Variants in SNX25 observed in about 807,000 individuals in gnomAD.
SNX25 encodes the protein sorting nexin 25.
SNX25 carries 62 observed loss-of-function variants against 113.7 expected under a neutral mutation model. The ratio of observed to expected loss-of-function variants is 0.55; its 90% CI spans 0.44 to 0.67. The LOEUF is 0.67. Ranked by LOEUF, SNX25 falls within the 30% of genes least tolerant of loss-of-function variation. The probability of loss-of-function intolerance (pLI) is 0.00; values close to 1 mark genes in which losing one functional copy is unlikely to be tolerated. For missense variants in SNX25, 1,014 were observed against 1,161.0 expected (o/e 0.87, Z 1.84); for synonymous variants, 421 against 436.2 (o/e 0.97, Z 0.43).
At chr4:185,240,655 C>A (rs1743719343) in intron 1 of SNX25, among the ~76,000 whole-genome samples, 1 of 149,186 alleles carries the variant, frequency 6.7e-6, no homozygotes, top group Non-Finnish European at 1.5e-5. Context: ...GGGGGCTAAC[C>A]CCCCCACCTC....
intron 5 of SNX25, among the ~76,000 whole-genome samples, chr4:185,283,376 GGGAAGTGATGGT>G (rs2126597469): frequency 6.6e-6 from 1 of 152,282 alleles, no homozygotes; most frequent in East Asian, 1.9e-4. Flanking sequence ...AGCAGATAAG[GGGAAGTGATGGT>G]GTGCAGGAAG....
At chr4:185,360,253 A>G (rs2095355651) in intron 16 of SNX25, among the ~76,000 whole-genome samples, 1 of 152,244 alleles carries the variant, frequency 6.6e-6, no homozygotes. Flanking sequence ...CTTATTTTAT[A>G]TGGTCTAGAT....
intron 1 of SNX25, among the ~76,000 whole-genome samples, chr4:185,243,346 A>G (rs1409413655): frequency 6.6e-6 from 1 of 152,180 alleles, no homozygotes; most frequent in Non-Finnish European, 1.5e-5. Flanking sequence ...ATGGTGACTC[A>G]TGCTTGTAAT....
At chr4:185,372,992 T>C, downstream of SNX25, 1 of 1,614,054 alleles carries the variant, frequency 6.2e-7, no homozygotes, top group Non-Finnish European at 8.5e-7. Flanking sequence ...TCCTGCCGGA[T>C]GCCTTGTCCA....
chr4:185,216,513 G>GTTTTT lies in SNX25; in HGVS notation c.429+6277_429+6281dup, dbSNP rs34410263. ...AGGAAATGACAAAAGTGTGTATTTGGTTTTTTTTTTTTTTTTTTTTTTTGA... is the reference window on the plus strand; with the variant it reads ...AGGAAATGACAAAAGTGTGTATTTGGTTTTTTTTTTTTTTTTTTTTTTTTTTTTGA... On this transcript the variant is annotated intron_variant, in intron 1 of 18. Coordinates refer to ENST00000652585, the MANE Select transcript of SNX25 (RefSeq NM_001378034.2). 1.3e-3 allele frequency among the ~76,000 whole-genome samples: 130 copies of GTTTTT among 96,710 alleles called. 4 individuals carry two copies. The South Asian group carries it at 0.032, about 24-fold the overall frequency. 63.4% of individuals were successfully genotyped at this position (96,710 alleles called of 152,430 possible).
chr4:185,310,483 G>A (rs528292954), intron 6 of SNX25, 152 bp from the exon 7 acceptor site: 51 of 511,812 alleles, frequency 1.0e-4, no homozygotes, highest in African/African-American at 9.3e-4. Context: ...TTGGGAGTAT[G>A]TATATGTATT....
chr4:185,369,523 C>T (rs2095407627), intron 11 of SNX25, among the ~76,000 whole-genome samples: 1 of 152,166 alleles, frequency 6.6e-6, no homozygotes, highest in Non-Finnish European at 1.5e-5. Flanking sequence ...GGATTACAGG[C>T]ATGAACCACT....
At chr4:185,369,735 A>G (rs756236652) in intron 11 of SNX25, 1 of 440,542 alleles carries the variant, frequency 2.3e-6, no homozygotes, top group Admixed American at 2.6e-5. Flanking sequence ...CTTACCTGAC[A>G]TTGGAATCCC....
rs186699820 is a variant in SNX25 at position 185,280,875 on chromosome 4, C to T, written c.1092-7137C>T. Among the ~76,000 whole-genome samples the T allele has an allele frequency of 2.2e-4, 33 of 152,244 alleles. No individual in the cohort carries two copies. In the East Asian group the frequency reaches 6.2e-3, roughly 29 times the overall value. ...TTGATTTACGACCCAGATGCAGAGC[C>T]GCAGTTATGGGGTTTCTGGACTCAG... On this transcript the variant is annotated intron_variant, in intron 5 of 18. Transcript: ENST00000652585.
chr4:185,329,874 C>T (rs935190060), intron 9 of SNX25, among the ~76,000 whole-genome samples: 5 of 151,910 alleles, frequency 3.3e-5, no homozygotes, highest in Admixed American at 6.6e-5. Flanking sequence ...GCAAATCACT[C>T]GAAAAGTGAA....
chr4:185,213,514 G>A (rs973123873), intron 1 of SNX25, among the ~76,000 whole-genome samples: 21 of 152,148 alleles, frequency 1.4e-4, no homozygotes, highest in African/African-American at 3.9e-4. Flanking sequence ...AGAGCGGAGC[G>A]GAACTGTGAT....
upstream of SNX25, among the ~76,000 whole-genome samples, chr4:185,206,640 CAA>C (rs1346576947): frequency 8.8e-5 from 8 of 91,130 alleles, no homozygotes; most frequent in East Asian, 1.4e-3. Context: ...GCCTGGGTAA[CAA>C]GAGCGAAACT....
chr4:185,374,696 AT>A (rs756406517), downstream of SNX25, among the ~76,000 whole-genome samples: 6 of 152,056 alleles, frequency 3.9e-5, no homozygotes, highest in Non-Finnish European at 7.4e-5. Flanking sequence ...GATATAAGAA[AT>A]TTCCTTCCTT....
intron 7 of SNX25, among the ~76,000 whole-genome samples, chr4:185,318,014 A>G (rs2095089060): frequency 6.6e-6 from 1 of 152,182 alleles, no homozygotes; most frequent in South Asian, 2.1e-4. Context: ...AAGTAAATAA[A>G]TGGATATACT....
downstream of SNX25, chr4:185,365,147 C>T (rs1237285220): frequency 2.0e-5 from 3 of 151,962 alleles, no homozygotes; most frequent in African/African-American, 7.3e-5. Flanking sequence ...TGCAGGGACT[C>T]GCTTGTGCCA....
intron 1 of SNX25, among the ~76,000 whole-genome samples, chr4:185,239,652 T>G (rs974442034): frequency 3.9e-5 from 6 of 152,114 alleles, no homozygotes; most frequent in African/African-American, 1.2e-4. Flanking sequence ...CAAAACTTTA[T>G]TTTATTTTTG....
intron 6 of SNX25, 42 bp from the exon 7 acceptor site, chr4:185,310,593 C>A: frequency 1.3e-6 from 2 of 1,572,898 alleles, no homozygotes; most frequent in Non-Finnish European, 1.7e-6. Flanking sequence ...TCCTTTCATG[C>A]CTTGTCCTCT....
chr4:185,303,276 T>C (rs1259001021), intron 6 of SNX25, among the ~76,000 whole-genome samples: 2 of 152,170 alleles, frequency 1.3e-5, no homozygotes, highest in Admixed American at 1.3e-4. Flanking sequence ...TATGTGGATT[T>C]AATTGCTATA....
chr4:185,235,652 G>A (rs1314201867), intron 1 of SNX25, among the ~76,000 whole-genome samples: 1 of 152,196 alleles, frequency 6.6e-6, no homozygotes, highest in Non-Finnish European at 1.5e-5. Context: ...AACATTTTGT[G>A]AAACCAAGGT....
Sources: allele counts gnomAD v4.1 joint callset (sites outside exome capture counted in the v4.1 genomes callset), GRCh38; gene constraint gnomAD v4.1.1; transcripts MANE v1.5; gene names NCBI Gene and HGNC (gene_info 2026-07-23, HGNC 2026-07-21).